Variants in NBPF15 observed in about 807,000 individuals in gnomAD.
The protein encoded by NBPF15 is NBPF member 15, also known as NBPF family member NBPF15.
Under a neutral mutation model 62.2 loss-of-function variants are expected in NBPF15, and 74 were observed. That is an observed-to-expected ratio of 1.19 (90% CI 0.99 to 1.44). NBPF15 has a LOEUF of 1.44. Among genes scored for constraint, NBPF15 ranks in the 40% most tolerant of loss-of-function variants. The probability of loss-of-function intolerance (pLI) is 0.00; values close to 1 mark genes in which losing one functional copy is unlikely to be tolerated. For missense variants in NBPF15, 790 were observed against 550.0 expected (o/e 1.44, Z -4.36); for synonymous variants, 244 against 209.7 (o/e 1.16, Z -1.41).
intron 6 of NBPF15, among the ~76,000 whole-genome samples, chr1:144,444,988 A>G (rs1300720417): frequency 6.6e-6 from 1 of 151,628 alleles, no homozygotes; most frequent in Non-Finnish European, 1.5e-5. Context: ...TCCTACAAGT[A>G]TAAGACTTCC....
chr1:144,428,503 C>T, intron 15 of NBPF15, 103 bp downstream of exon 15: 1 of 820,924 alleles, frequency 1.2e-6, no homozygotes, highest in Non-Finnish European at 2.1e-6. Context: ...TCAGACTTGT[C>T]TGACAAGACA....
At chr1:144,447,044 T>C (rs1291470560) in intron 6 of NBPF15, among the ~76,000 whole-genome samples, 2 of 151,076 alleles carry the variant, frequency 1.3e-5, no homozygotes, top group African/African-American at 4.8e-5. Context: ...CAATGATTAG[T>C]AACCACCACA....
chr1:144,452,194 CA>C (rs1407264108), intron 4 of NBPF15, among the ~76,000 whole-genome samples: 1 of 151,880 alleles, frequency 6.6e-6, no homozygotes, highest in Non-Finnish European at 1.5e-5. Flanking sequence ...TTCACTACTT[CA>C]AATATTATTA....
chr1:144,441,820 A>G (rs1407054550), intron 6 of NBPF15, among the ~76,000 whole-genome samples: 20 of 151,104 alleles, frequency 1.3e-4, no homozygotes, highest in Non-Finnish European at 2.7e-4. Flanking sequence ...ACTTTTTAAA[A>G]CAACAAATAT....
intron 6 of NBPF15, among the ~76,000 whole-genome samples, chr1:144,444,487 T>C: frequency 6.6e-6 from 1 of 151,760 alleles, no homozygotes; most frequent in Middle Eastern, 3.4e-3. Flanking sequence ...GAAGGGACTC[T>C]CCAAACCTCT....
At chr1:144,458,294 A>G (rs1649713226) in intron 3 of NBPF15, among the ~76,000 whole-genome samples, 1 of 152,016 alleles carries the variant, frequency 6.6e-6, no homozygotes, top group African/African-American at 2.4e-5. Context: ...ATTGTAAAAA[A>G]GATAAATAAA....
At chr1:144,455,545 G>A (rs1355401875) in intron 4 of NBPF15, among the ~76,000 whole-genome samples, 23 of 152,010 alleles carry the variant, frequency 1.5e-4, no homozygotes, top group Admixed American at 1.4e-3. Flanking sequence ...AAAAGAATGA[G>A]ATGAGACAGT....
At position 144,427,973 on chromosome 1, in the gene NBPF15, A is replaced by C; in HGVS notation, c.1058T>G (p.Leu353Arg). 2.6e-6 allele frequency: 2 copies of C among 775,886 alleles called. No individual in the cohort carries two copies. The allele number at this position is 775,886 out of a possible 1,614,324, so 48.1% of individuals were successfully genotyped here. Residue 353 changes from leucine to arginine, a missense_variant, in exon 16 of 22, where the codon CTG becomes CGG. Coordinates refer to ENST00000581897, the MANE Select transcript of NBPF15 (RefSeq NM_001385408.1). ...CAAGACTTCAGGCTCTTTCTCATCCAGCAGCTCCCTGCTGAGCCTGGAAAA... is the reference window on the plus strand; with the variant it reads ...CAAGACTTCAGGCTCTTTCTCATCCCGCAGCTCCCTGCTGAGCCTGGAAAA... ...ATGPRLSREL[L>R]DEKEPEVLQD...
chr1:144,431,388 C>T (rs1419671639), intron 13 of NBPF15, among the ~76,000 whole-genome samples: 1 of 150,318 alleles, frequency 6.7e-6, no homozygotes, highest in African/African-American at 2.5e-5. Context: ...GGCACAAACC[C>T]TACAAGCCAG....
Position 144,427,990 on chromosome 1 carries a change from C to G in NBPF15, c.1041G>C (p.Arg347Ser), listed in dbSNP as rs1172821102. 2.6e-4 allele frequency: 192 copies of G among 749,930 alleles called. 6 individuals are homozygous for G. In the African/African-American group the frequency reaches 2.9e-3, roughly 11 times the overall value. The allele number at this position is 749,930 out of a possible 1,614,324, so 46.5% of individuals were successfully genotyped here. A position where few individuals can be genotyped will look rare whatever the true frequency, so the allele number is the denominator to read the frequency against. ...KKEDQEATGP[R>S]LSRELLDEKE... is the part of the protein sequence containing the mutation. ...TCTCATCCAGCAGCTCCCTGCTGAGCCTGGAAAAGTGGGAAAAAGTAAAGA... is the reference window on the plus strand; with the variant it reads ...TCTCATCCAGCAGCTCCCTGCTGAGGCTGGAAAAGTGGGAAAAAGTAAAGA... Residue 347 changes from arginine (R) to serine (S), a missense_variant and splice_region_variant, in exon 16 of 22, where the codon AGG (arginine) becomes AGC (serine). Coordinates refer to ENST00000581897, the MANE Select transcript of NBPF15 (RefSeq NM_001385408.1).
intron 3 of NBPF15, among the ~76,000 whole-genome samples, chr1:144,458,106 G>T (rs142497608): frequency 6.6e-6 from 1 of 151,594 alleles, no homozygotes; most frequent in Non-Finnish European, 1.5e-5. Context: ...AAAAAAAATT[G>T]TTCGATGTAG....
chr1:144,424,269 C>T (rs1460734341), intron 20 of NBPF15, among the ~76,000 whole-genome samples: 7 of 151,752 alleles, frequency 4.6e-5, no homozygotes, highest in Non-Finnish European at 1.5e-5. Context: ...AAAGCAAATA[C>T]CCTCAAATGA....
chr1:144,447,572 A>G (rs1378912669), intron 6 of NBPF15, among the ~76,000 whole-genome samples: 3 of 151,862 alleles, frequency 2.0e-5, no homozygotes, highest in Admixed American at 6.6e-5. Flanking sequence ...GTGGCATAAG[A>G]CAGGATGGAA....
chr1:144,458,089 GAA>G (rs1222561766), intron 3 of NBPF15, among the ~76,000 whole-genome samples: 2 of 131,798 alleles, frequency 1.5e-5, no homozygotes, highest in East Asian at 2.2e-4. Flanking sequence ...ACTGTCTCAA[GAA>G]AAAAAAAAAA....
At chr1:144,444,279 A>AC in intron 6 of NBPF15, among the ~76,000 whole-genome samples, 1 of 149,758 alleles carries the variant, frequency 6.7e-6, no homozygotes, top group African/African-American at 2.5e-5. Context: ...GAAAAAAAAA[A>AC]AAAGAAGCCA....
intron 6 of NBPF15, chr1:144,443,126 A>T (rs1457427302): frequency 6.5e-6 from 1 of 154,196 alleles, no homozygotes; most frequent in Non-Finnish European, 1.5e-5. Flanking sequence ...TGCCAAAACC[A>T]CATGGGCTGG....
At position 144,423,187 on chromosome 1, in the gene NBPF15, C is replaced by A. The variant is rs149142695; in HGVS notation, c.1839G>T (p.Ser613=). ...VLQDSLDRCY[S]TPSMYFEQPD... ...GTTGTTCAAAGTACATTGACGGAGT[C>A]GAATAACATCTATCCAGTGAGTCCT... is the stretch of plus-strand genomic sequence containing the variant. The change falls in exon 22 of 22, where the codon TCG becomes TCT. Residue 613 remains serine (S), a synonymous_variant. Coordinates refer to ENST00000581897, the MANE Select transcript of NBPF15 (RefSeq NM_001385408.1). 172 of 1,611,530 alleles carry A rather than the reference C, an allele frequency of 1.1e-4. No homozygotes were observed. The African/African-American group carries it at 1.8e-3, about 17-fold the overall frequency.
At chr1:144,438,921 C>T (rs1432834106) in intron 8 of NBPF15, among the ~76,000 whole-genome samples, 6 of 151,868 alleles carry the variant, frequency 4.0e-5, no homozygotes, top group African/African-American at 1.5e-4. Flanking sequence ...CTCTGTGCCC[C>T]AGGAAGCAGG....
At chr1:144,438,965 A>T (rs1293875554) in intron 8 of NBPF15, among the ~76,000 whole-genome samples, 5 of 151,694 alleles carry the variant, frequency 3.3e-5, no homozygotes, top group Admixed American at 3.3e-4. Flanking sequence ...TCTGCTTTTT[A>T]TTCTTATTTT....
Sources: gnomAD v4.1 joint callset for allele counts (sites outside exome capture counted in the v4.1 genomes callset) on GRCh38, gnomAD v4.1.1 for gene constraint, MANE v1.5 for transcripts, NCBI Gene and HGNC (gene_info 2026-07-23, HGNC 2026-07-21) for gene names.